CAP2: variants seen among roughly 807,000 people sequenced by gnomAD.
CAP2 encodes cyclase associated actin cytoskeleton regulatory protein 2.
In CAP2, 24 loss-of-function variants were observed where a neutral mutation model predicts 57.7. The observed-to-expected ratio is 0.42, with a 90% CI of 0.30 to 0.58. CAP2 has a LOEUF of 0.58. Among genes scored for constraint, CAP2 ranks in the 20% least tolerant of loss-of-function variants. CAP2 has a pLI of 0.22. For missense variants in CAP2, 501 were observed against 590.3 expected (o/e 0.85, Z 1.57); for synonymous variants, 194 against 207.2 (o/e 0.94, Z 0.55).
chr6:17,401,556 T>C (rs1581485897), intron 1 of CAP2, among the ~76,000 whole-genome samples: 1 of 152,142 alleles, frequency 6.6e-6, no homozygotes, highest in African/African-American at 2.4e-5. Flanking sequence ...GAAAACCAAA[T>C]GTCTGGCCTA....
At chr6:17,416,917 A>G (rs1473104822) in intron 1 of CAP2, among the ~76,000 whole-genome samples, 1 of 152,164 alleles carries the variant, frequency 6.6e-6, no homozygotes, top group African/African-American at 2.4e-5. Flanking sequence ...ACATACAGAG[A>G]CACTGTCCCT....
chr6:17,437,202 T>C (rs1759916600), intron 3 of CAP2, among the ~76,000 whole-genome samples: 1 of 152,152 alleles, frequency 6.6e-6, no homozygotes, highest in South Asian at 2.1e-4. Flanking sequence ...TCCTGCTCTG[T>C]CTGTGGAAAA....
chr6:17,518,585 T>A (rs1762321637), intron 7 of CAP2, among the ~76,000 whole-genome samples: 1 of 152,216 alleles, frequency 6.6e-6, no homozygotes, highest in South Asian at 2.1e-4. Context: ...TATAGAAAGA[T>A]GTGGTGTTGA....
chr6:17,486,338 G>T (rs913739532), intron 4 of CAP2, among the ~76,000 whole-genome samples: 1 of 152,228 alleles, frequency 6.6e-6, no homozygotes, highest in African/African-American at 2.4e-5. Context: ...AGGTGTGGGG[G>T]CTCATGCCTG....
At chr6:17,413,841 G>A (rs1163801604) in intron 1 of CAP2, among the ~76,000 whole-genome samples, 13 of 152,174 alleles carry the variant, frequency 8.5e-5, no homozygotes. Context: ...ATCACATGAG[G>A]TCAGGAGTTC....
intron 4 of CAP2, among the ~76,000 whole-genome samples, chr6:17,471,155 G>A (rs1476595341): frequency 1.3e-5 from 2 of 152,062 alleles, no homozygotes; most frequent in African/African-American, 4.8e-5. Flanking sequence ...AAATTGCAAA[G>A]GAAAAGCAAA....
intron 3 of CAP2, among the ~76,000 whole-genome samples, 194 bp from the exon 4 acceptor site, chr6:17,462,802 T>C (rs1229837195): frequency 6.6e-6 from 1 of 152,232 alleles, no homozygotes; most frequent in East Asian, 1.9e-4. Flanking sequence ...GGTTCATGAG[T>C]TGATGGATAT....
chr6:17,419,714 T>G lies in CAP2; in HGVS notation c.-1-1841T>G, dbSNP rs930889359. Among the ~76,000 whole-genome samples the G allele has an allele frequency of 9.2e-5, 14 of 152,144 alleles. No individual in the cohort carries two copies. The East Asian group carries it at 2.7e-3, about 29-fold the overall frequency. On this transcript the variant is annotated intron_variant, in intron 1 of 12. Coordinates refer to ENST00000229922, the MANE Select transcript of CAP2 (RefSeq NM_006366.3). ...TTTTTTTTTTTCCTAGACGGAGTCTTGCTCTGTCACCCAGGCTGGAGTGCA... is the reference window on the plus strand; with the variant it reads ...TTTTTTTTTTTCCTAGACGGAGTCTGGCTCTGTCACCCAGGCTGGAGTGCA...
chr6:17,507,135 G>A (rs1055266750), intron 4 of CAP2, 34 bp from the exon 5 acceptor site: 9 of 1,613,670 alleles, frequency 5.6e-6, no homozygotes, highest in Admixed American at 3.3e-5. Flanking sequence ...TGCTCTGTCT[G>A]TAGTAAAAGC....
At chr6:17,535,274 C>CTT (rs67286428) in intron 7 of CAP2, among the ~76,000 whole-genome samples, 7 of 138,802 alleles carry the variant, frequency 5.0e-5, no homozygotes, top group Non-Finnish European at 9.4e-5. Context: ...TGGCTAATGA[C>CTT]TTTTTTTTTT....
At chr6:17,486,190 C>T (rs141630929) in intron 4 of CAP2, among the ~76,000 whole-genome samples, 59 of 152,040 alleles carry the variant, frequency 3.9e-4, no homozygotes, top group African/African-American at 1.4e-3. Flanking sequence ...CAAAAAAATA[C>T]GTTAAACAAA....
At chr6:17,413,812 G>C (rs1171762133) in intron 1 of CAP2, among the ~76,000 whole-genome samples, 1 of 152,186 alleles carries the variant, frequency 6.6e-6, no homozygotes, top group Non-Finnish European at 1.5e-5. Context: ...CCAGCACTTT[G>C]GGAGACCAAG....
chr6:17,507,784 C>A, intron 6 of CAP2, 58 bp downstream of exon 6: 1 of 946,630 alleles, frequency 1.1e-6, no homozygotes, highest in South Asian at 1.3e-5. Context: ...GACATTTGTC[C>A]CTAAAACTCA....
chr6:17,525,166 G>T (rs549760645), intron 7 of CAP2, among the ~76,000 whole-genome samples: 68 of 152,000 alleles, frequency 4.5e-4, no homozygotes, highest in African/African-American at 1.5e-3. Flanking sequence ...GCCTCCCAAA[G>T]TGCTGGGATT....
chr6:17,477,788 C>G (rs1761187511), intron 4 of CAP2, among the ~76,000 whole-genome samples: 1 of 152,014 alleles, frequency 6.6e-6, no homozygotes, highest in African/African-American at 2.4e-5. Context: ...GGGGGAAGAT[C>G]TATTTTTCTT....
intron 3 of CAP2, among the ~76,000 whole-genome samples, chr6:17,439,094 G>C (rs975862231): frequency 2.0e-5 from 3 of 150,966 alleles, no homozygotes; most frequent in African/African-American, 7.4e-5. Context: ...CTGGGCTACA[G>C]AGCGAGACTC....
intron 7 of CAP2, among the ~76,000 whole-genome samples, chr6:17,520,631 G>C (rs1241758616): frequency 6.6e-6 from 1 of 151,988 alleles, no homozygotes; most frequent in East Asian, 1.9e-4. Flanking sequence ...TGGTGTAAAG[G>C]CCAAATGTCT....
At chr6:17,516,630 A>G (rs1300474952) in intron 7 of CAP2, among the ~76,000 whole-genome samples, 1 of 152,224 alleles carries the variant, frequency 6.6e-6, no homozygotes, top group East Asian at 1.9e-4. Context: ...AAATAAAGAA[A>G]TTAATGTTAA....
intron 1 of CAP2, among the ~76,000 whole-genome samples, chr6:17,413,796 G>C (rs1024946821): frequency 6.6e-6 from 1 of 152,208 alleles, no homozygotes; most frequent in Non-Finnish European, 1.5e-5. Flanking sequence ...GCTCACGTCT[G>C]TAATCCCAGC....
Sources: gnomAD v4.1 joint callset for allele counts (sites outside exome capture counted in the v4.1 genomes callset) on GRCh38, gnomAD v4.1.1 for gene constraint, MANE v1.5 for transcripts, NCBI Gene and HGNC (gene_info 2026-07-23, HGNC 2026-07-21) for gene names.